Variants in CAMSAP2 observed in about 807,000 individuals in gnomAD.
CAMSAP2 encodes calmodulin-regulated spectrin-associated protein 2.
Under a neutral mutation model 146.1 loss-of-function variants are expected in CAMSAP2, and 26 were observed. The observed-to-expected ratio is 0.18, with a 90% confidence interval of 0.13 to 0.25. The LOEUF is 0.25. Ranked by LOEUF, CAMSAP2 falls within the 10% of genes least tolerant of loss-of-function variation. The pLI is 1.00. For synonymous variants in CAMSAP2, 499 were observed against 596.6 expected (o/e 0.84, Z 2.38); for missense variants, 1,381 against 1,759.3 (o/e 0.78, Z 3.85).
intron 2 of CAMSAP2, among the ~76,000 whole-genome samples, chr1:200,804,465 C>T (rs1254194041): frequency 6.6e-6 from 1 of 151,788 alleles, no homozygotes; most frequent in Non-Finnish European, 1.5e-5. Context: ...GCGTTTTTAT[C>T]CTCTCTCATG....
At chr1:200,773,795 C>T (rs921884908) in intron 2 of CAMSAP2, among the ~76,000 whole-genome samples, 2 of 151,572 alleles carry the variant, frequency 1.3e-5, no homozygotes, top group African/African-American at 4.9e-5. Context: ...CTGAGGTGGG[C>T]GGATTGCTGG....
chr1:200,803,207 T>A (rs1240321530), intron 2 of CAMSAP2, among the ~76,000 whole-genome samples: 1 of 152,170 alleles, frequency 6.6e-6, no homozygotes, highest in Non-Finnish European at 1.5e-5. Flanking sequence ...ATTTCTAAGT[T>A]TGAATCCCTA....
At chr1:200,814,667 G>A (rs927474346) in intron 3 of CAMSAP2, among the ~76,000 whole-genome samples, 4 of 142,024 alleles carry the variant, frequency 2.8e-5, no homozygotes, top group Non-Finnish European at 4.6e-5. Context: ...TTGTCAACAT[G>A]TCACACTAAA....
chr1:200,803,672 T>A (rs1448853101), intron 2 of CAMSAP2, among the ~76,000 whole-genome samples: 1 of 152,078 alleles, frequency 6.6e-6, no homozygotes, highest in Admixed American at 6.5e-5. Flanking sequence ...GTGAATATCA[T>A]ATGGAAATAA....
Position 200,853,276 on chromosome 1 carries a change from C to T in CAMSAP2, c.3604C>T (p.Arg1202Cys), listed in dbSNP as rs751204961. The T allele has an allele frequency of 4.8e-5, 78 of 1,611,962 alleles. No individual in the cohort carries two copies. The highest frequency in any genetic ancestry group is 1.1e-5 in the Non-Finnish European group (13 of 1,179,444). Reference protein sequence around the residue: ...EMEHKKEETRRKTEEERQKKE... With the variant: ...EMEHKKEETRCKTEEERQKKE... The stretch of plus-strand genomic sequence containing the variant: ...AACTGTAACCATTTGATTTCTTAGG[C>T]GTAAAACTGAGGAAGAACGTCAGAA... The change falls in exon 13 of 17, where the codon CGT (arginine) becomes TGT (cysteine). Residue 1202 changes from arginine to cysteine, a missense_variant and splice_region_variant. Arg to Cys is a radical substitution (Grantham distance 180, BLOSUM62 -3). Around this residue, in one of 4 missense-constraint regions of CAMSAP2, gnomAD observed 560 missense variants for 715.9 expected, o/e 0.78. Transcript: ENST00000358823. This position sits in a 1 kb window ranked among gnomAD's most constrained non-coding sequence, Gnocchi z 5.1.
chr1:200,739,536 G>C lies in CAMSAP2; in HGVS notation c.-292G>C, dbSNP rs1392180821. 1 of 171,466 alleles carries C rather than the reference G, an allele frequency of 5.8e-6. No individual in the cohort carries two copies. The highest frequency in any genetic ancestry group is 6.3e-5 in the Admixed American group (1 of 15,776). The allele number at this position is 171,466 out of a possible 1,614,324, so 10.6% of individuals were successfully genotyped here. A position where few individuals can be genotyped will look rare whatever the true frequency, so the allele number is the denominator to read the frequency against. ...CGCTCACACGCGGGCTCGCGGGGCG[G>C]GTGGCTCGGAGGGGCGCGGGCACGG... On this transcript the variant is annotated 5_prime_UTR_variant, in exon 1 of 17. Coordinates refer to ENST00000358823, the MANE Select transcript of CAMSAP2 (RefSeq NM_203459.4). The surrounding 1 kb of genome is among the most constrained non-coding windows in gnomAD (Gnocchi z 4.8).
chr1:200,785,729 C>G (rs1165093257), intron 2 of CAMSAP2, among the ~76,000 whole-genome samples: 1 of 149,120 alleles, frequency 6.7e-6, no homozygotes, highest in Non-Finnish European at 1.5e-5. Flanking sequence ...GCTCCGTTGT[C>G]CAGGCTGGAG....
intron 2 of CAMSAP2, among the ~76,000 whole-genome samples, chr1:200,796,330 C>A (rs1036589488): frequency 6.6e-6 from 1 of 152,176 alleles, no homozygotes; most frequent in Non-Finnish European, 1.5e-5. Context: ...CCATTGATCT[C>A]TGTTTTTATA....
At chr1:200,748,679 A>G (rs1203022612) in intron 1 of CAMSAP2, among the ~76,000 whole-genome samples, 1 of 151,816 alleles carries the variant, frequency 6.6e-6, no homozygotes, top group Non-Finnish European at 1.5e-5. Flanking sequence ...GCTCCATGAT[A>G]TTAACAAGTT....
chr1:200,815,886 C>G (rs1466572840), intron 4 of CAMSAP2, among the ~76,000 whole-genome samples: 2 of 152,076 alleles, frequency 1.3e-5, no homozygotes, highest in African/African-American at 2.4e-5. Context: ...GTTCTTTTGT[C>G]AAAAATAACA....
chr1:200,753,539 T>A (rs186159422), intron 1 of CAMSAP2, among the ~76,000 whole-genome samples: 102 of 152,156 alleles, frequency 6.7e-4, no homozygotes, highest in Admixed American at 6.5e-4. Flanking sequence ...ACTGGGACAA[T>A]GATGAGATCC....
chr1:200,791,107 A>G (rs1476925237), intron 2 of CAMSAP2, among the ~76,000 whole-genome samples: 1 of 152,168 alleles, frequency 6.6e-6, no homozygotes, highest in Non-Finnish European at 1.5e-5. Context: ...GGCCTCCCAA[A>G]GTTCTGGGAT....
intron 2 of CAMSAP2, among the ~76,000 whole-genome samples, chr1:200,791,625 T>C (rs1429497202): frequency 6.6e-6 from 1 of 152,234 alleles, no homozygotes; most frequent in African/African-American, 2.4e-5. Context: ...AAATCTGTTA[T>C]ATTTACAGTC....
In CAMSAP2 at chr1:200,848,636, A is replaced by G. The variant is rs201209049; in HGVS notation, c.1867A>G (p.Met623Val). 1.9e-6 allele frequency: 3 copies of G among 1,614,008 alleles called. No individual in the cohort carries two copies. Among genetic ancestry groups the G allele is most frequent in the Non-Finnish European group, 2.5e-6 (3 of 1,179,990 alleles). The change falls in exon 11 of 17, where the codon ATG becomes GTG. Residue 623 changes from methionine to valine, a missense_variant. Physicochemically the swap from Met to Val is conservative, Grantham distance 21. Coordinates refer to ENST00000358823, the MANE Select transcript of CAMSAP2 (RefSeq NM_203459.4). Reference protein sequence around the residue: ...HVPSEDIPETMDEDSSLRDYT... With the variant: ...HVPSEDIPETVDEDSSLRDYT... The stretch of plus-strand genomic sequence containing the variant: ...TCCTTCAGAAGATATTCCTGAAACT[A>G]TGGACGAAGATTCTTCGTTGAGAGA...
chr1:200,843,845 T>TG, intron 7 of CAMSAP2, among the ~76,000 whole-genome samples: 1 of 152,100 alleles, frequency 6.6e-6, no homozygotes, highest in African/African-American at 2.4e-5. Flanking sequence ...TTTTGTTTTT[T>TG]TTTTGTTTGT....
chr1:200,831,589 C>T (rs188963462), intron 4 of CAMSAP2, among the ~76,000 whole-genome samples: 3 of 151,340 alleles, frequency 2.0e-5, no homozygotes, highest in East Asian at 1.9e-4. Flanking sequence ...AGCAAGAACC[C>T]GTATACTTGC....
chr1:200,809,159 A>C (rs1170732895), intron 3 of CAMSAP2, among the ~76,000 whole-genome samples: 1 of 152,172 alleles, frequency 6.6e-6, no homozygotes, highest in Non-Finnish European at 1.5e-5. Context: ...ACTGTCAGCT[A>C]AATTTGCCTT....
chr1:200,763,139 ATC>A (rs1664846278), intron 2 of CAMSAP2, among the ~76,000 whole-genome samples: 2 of 152,098 alleles, frequency 1.3e-5, no homozygotes, highest in Admixed American at 6.6e-5. Context: ...ACTTCAAGTG[ATC>A]CTCCCACCTC....
intron 1 of CAMSAP2, among the ~76,000 whole-genome samples, chr1:200,748,502 A>G (rs1341879840): frequency 6.6e-6 from 1 of 151,936 alleles, no homozygotes; most frequent in Non-Finnish European, 1.5e-5. Context: ...TAATTCGTTG[A>G]TATCTCTTTA....
Sources: gnomAD v4.1 joint callset for allele counts (sites outside exome capture counted in the v4.1 genomes callset) on GRCh38, gnomAD v4.1.1 for gene constraint, gnomAD v4.1.1 regional missense constraint, Gnocchi (gnomAD v3.1) non-coding constraint, MANE v1.5 for transcripts, NCBI Gene and HGNC (gene_info 2026-07-23, HGNC 2026-07-21) for gene names.